Variants in IPO4 observed in about 807,000 individuals in gnomAD.
IPO4 encodes the protein importin-4.
IPO4 carries 91 observed loss-of-function variants against 133.5 expected under a neutral mutation model. The ratio of observed to expected loss-of-function variants is 0.68; its 90% CI spans 0.58 to 0.81. IPO4 has a LOEUF of 0.81. Ranked by LOEUF, IPO4 falls within the 30% of genes least tolerant of loss-of-function variation. IPO4 has a pLI of 0.00. For synonymous variants in IPO4, 607 were observed against 581.6 expected (o/e 1.04, Z -0.63); for missense variants, 1,279 against 1,386.2 (o/e 0.92, Z 1.23).
chr14:24,188,486 G>A, intron 2 of IPO4, 63 bp from the exon 3 acceptor site: 1 of 1,606,448 alleles, frequency 6.2e-7, no homozygotes, highest in Non-Finnish European at 8.5e-7. Flanking sequence ...ACCGCAGTGG[G>A]CGAATACTGG....
chr14:24,188,136 G>T, intron 4 of IPO4, 80 bp downstream of exon 4: 1 of 1,444,688 alleles, frequency 6.9e-7, no homozygotes, highest in Non-Finnish European at 9.6e-7. Flanking sequence ...TGCCCCACAA[G>T]TCCCAGCCTG....
rs780965064 is a variant in IPO4 at position 24,185,990 on chromosome 14, G to A, written c.1060-20C>T. 10 of 1,609,172 alleles carry A rather than the reference G, an allele frequency of 6.2e-6. No individual in the cohort carries two copies. Among genetic ancestry groups the A allele is most frequent in the South Asian group, 2.2e-5 (2 of 90,994 alleles). On this transcript the variant is annotated intron_variant, in intron 11 of 29. Transcript: ENST00000354464. ...GGGCATCTAGGGAAGCATGTGGCAC[G>A]CTTCTGAAACCCCAGCAAGAGCCTG...
chr14:24,187,903 C>T, intron 4 of IPO4, 107 bp from the exon 5 acceptor site: 2 of 1,427,164 alleles, frequency 1.4e-6, no homozygotes, highest in Non-Finnish European at 9.6e-7. Context: ...GAGGTGTGGG[C>T]ACAGGGTCTT....
At position 24,182,797 on chromosome 14, in the gene IPO4, C is replaced by T; in HGVS notation, c.2467G>A (p.Asp823Asn). Residue 823 changes from aspartate to asparagine, a missense_variant, in exon 24 of 30, where the codon GAT becomes AAT. Coordinates refer to ENST00000354464, the MANE Select transcript of IPO4 (RefSeq NM_024658.4). ...TTTTTATCCCTGGCTCTCACCTGAT[C>T]ATCATCTTCCTCTTCCTCCTCCTCG... ...TDEEEEEEDD[D>N]QAEYDAMLLE... is the part of the protein sequence containing the mutation. 6.2e-7 allele frequency: 1 copy of T among 1,614,186 alleles called. No individual in the cohort carries two copies. Among genetic ancestry groups the T allele is most frequent in the Non-Finnish European group, 8.5e-7 (1 of 1,180,002 alleles).
At position 24,185,557 on chromosome 14, in the gene IPO4, G is replaced by A; in HGVS notation, c.1180C>T (p.Pro394Ser). ...GDHIRQRLLPPLLQIVCKGLE... is the reference protein window; with the variant it reads ...GDHIRQRLLPSLLQIVCKGLE... ...CCCTTGCACACAATCTGCAGCAGTG[G>A]GGGCAGCAGTCTGGATGGGGCAAAC... Residue 394 changes from proline (P) to serine (S), a missense_variant, in exon 13 of 30, where the codon CCA becomes TCA. Pro to Ser is a moderately conservative substitution (Grantham distance 74). Transcript: ENST00000354464. 6.2e-7 allele frequency: 1 copy of A among 1,613,982 alleles called. No homozygotes were observed. The highest frequency in any genetic ancestry group is 8.5e-7 in the Non-Finnish European group (1 of 1,179,880).
At position 24,183,341 on chromosome 14, in the gene IPO4, A is replaced by G. The variant is rs565029931; in HGVS notation, c.2136T>C (p.Asn712=). The change falls in exon 22 of 30, where the codon AAT becomes AAC. Residue 712 remains asparagine, a synonymous_variant. Coordinates refer to ENST00000354464, the MANE Select transcript of IPO4 (RefSeq NM_024658.4). ...VFKLLECPHL[N]VRKAAHEALG... is the part of the protein sequence containing the mutation. Reference sequence around the variant, plus strand: ...GAGCCTCATGGGCTGCCTTCCGCACATTCAGGTGAGGGCACTGCAGGATGA... The same window carrying G: ...GAGCCTCATGGGCTGCCTTCCGCACGTTCAGGTGAGGGCACTGCAGGATGA... The G allele has an allele frequency of 1.6e-5, 26 of 1,610,898 alleles. No individual in the cohort carries two copies. The highest frequency in any genetic ancestry group is 1.5e-4 in the Admixed American group (9 of 59,528).
At position 24,187,488 on chromosome 14, in the gene IPO4, GTC is replaced by G. The variant is rs770286929; in HGVS notation, c.498_499del (p.Glu166AspfsTer4). On this transcript the variant is annotated frameshift_variant, in exon 6 of 30. Transcript: ENST00000354464. LOFTEE classifies it high-confidence loss of function. The stretch of plus-strand genomic sequence containing the variant: ...CCCAGGAGAGCCCACCTCACCAAGA[GTC>G]TCATTCAGAAGCCGAAGAAGCTCCC... 38 of 1,614,066 alleles carry G rather than the reference GTC, an allele frequency of 2.4e-5. No individual in the cohort carries two copies. Among genetic ancestry groups the G allele is most frequent in the Non-Finnish European group, 3.1e-5 (37 of 1,180,024 alleles).
chr14:24,185,275 A>T lies in IPO4; in HGVS notation c.1316T>A (p.Leu439Gln). The T allele has an allele frequency of 6.2e-7, 1 of 1,614,178 alleles. No homozygotes were observed. The highest frequency in any genetic ancestry group is 8.5e-7 in the Non-Finnish European group (1 of 1,180,024). ...ISSYSREVMP[L>Q]LLAYLKSVPL... ...CACCGACTTCAAGTAGGCGAGGAGC[A>T]GTGGCATTACCTCCCTTGAATAGCT... Residue 439 changes from leucine to glutamine, a missense_variant, in exon 14 of 30, where the codon CTG (leucine) becomes CAG (glutamine). Physicochemically the swap from Leu to Gln is moderately radical, Grantham distance 113. Around this residue, in one of 3 missense-constraint regions of IPO4, gnomAD observed 695 missense variants for 704.1 expected, o/e 0.99. Coordinates refer to ENST00000354464, the MANE Select transcript of IPO4 (RefSeq NM_024658.4).
rs775490016 is a variant in IPO4 at position 24,186,662 on chromosome 14, G to A, written c.840+46C>T. ...GAAAGCCCCAGGAGTGAGACTAAGG[G>A]TGGAGATGGGGGTGGGGTGATGTGT... is the stretch of plus-strand genomic sequence containing the variant. On this transcript the variant is annotated intron_variant, in intron 9 of 29. Coordinates refer to ENST00000354464, the MANE Select transcript of IPO4 (RefSeq NM_024658.4). 11 of 1,536,004 alleles carry A rather than the reference G, an allele frequency of 7.2e-6. No individual in the cohort carries two copies. In the East Asian group the frequency reaches 2.2e-4, roughly 31 times the overall value.
At position 24,187,235 on chromosome 14, in the gene IPO4, G is replaced by A. The variant is rs1306501782; in HGVS notation, c.589-85C>T. On this transcript the variant is annotated intron_variant, in intron 6 of 29. Transcript: ENST00000354464. ...GCTTCCTCACAGCCTGAATTGCGAG[G>A]AGGAGCCCAGGCATAACAGCCAGGC... The A allele has an allele frequency of 1.3e-5, 20 of 1,527,040 alleles. No homozygotes were observed. The African/African-American group carries it at 2.0e-4, about 16-fold the overall frequency. 94.6% of individuals were successfully genotyped at this position (1,527,040 alleles called of 1,614,324 possible). A position where few individuals can be genotyped will look rare whatever the true frequency, so the allele number is the denominator to read the frequency against.
chr14:24,184,263 G>T, intron 17 of IPO4, 35 bp downstream of exon 17: 1 of 1,574,208 alleles, frequency 6.4e-7, no homozygotes, highest in East Asian at 2.3e-5. Context: ...GGAGGGGAGG[G>T]GACAAGGGCA....
At chr14:24,184,507 C>A (rs2039189449) in intron 16 of IPO4, 89 bp from the exon 17 acceptor site, 1 of 1,501,846 alleles carries the variant, frequency 6.7e-7, no homozygotes, top group Non-Finnish European at 9.0e-7. Flanking sequence ...AGAAATCCCG[C>A]CCCACCCCTT....
intron 7 of IPO4, 35 bp from the exon 8 acceptor site, chr14:24,187,014 C>T (rs767694315): frequency 6.2e-7 from 1 of 1,612,582 alleles, no homozygotes; most frequent in African/African-American, 1.3e-5. Context: ...TTACCATGCT[C>T]TTCTTCAGTG....
chr14:24,185,965 G>A lies in IPO4; in HGVS notation c.1065C>T (p.Pro355=). 1 of 1,613,728 alleles carries A rather than the reference G, an allele frequency of 6.2e-7. No individual in the cohort carries two copies. The highest frequency in any genetic ancestry group is 8.5e-7 in the Non-Finnish European group (1 of 1,179,694). Reference sequence around the variant, plus strand: ...CGCTCCGCAAAGCCTCTTCCAACATGGGCATCTAGGGAAGCATGTGGCACG... The same window carrying A: ...CGCTCCGCAAAGCCTCTTCCAACATAGGCATCTAGGGAAGCATGTGGCACG... ...PPEKLCPQLM[P]MLEEALRSES... Residue 355 remains proline (P), a synonymous_variant, in exon 12 of 30, where the codon CCC becomes CCT. Transcript: ENST00000354464.
intron 16 of IPO4, 96 bp from the exon 17 acceptor site, chr14:24,184,514 C>A: frequency 6.7e-7 from 1 of 1,489,064 alleles, no homozygotes; most frequent in Non-Finnish European, 9.0e-7. Flanking sequence ...CCGCCCCACC[C>A]CTTGGTACAG....
chr14:24,184,965 G>A lies in IPO4; in HGVS notation c.1424C>T (p.Pro475Leu). Reference protein sequence around the residue: ...FVENLGPKVQPYLPELMECML... With the variant: ...FVENLGPKVQLYLPELMECML... ...GCATTCCATAAGCTCCGGAAGGTAG[G>A]GCTGCACCTTGGGCCCTGTGGGAAA... is the stretch of plus-strand genomic sequence containing the variant. The change falls in exon 15 of 30, where the codon CCC (proline) becomes CTC (leucine). Residue 475 changes from proline (P) to leucine (L), a missense_variant. Physicochemically the swap from Pro to Leu is moderately conservative, Grantham distance 98. Coordinates refer to ENST00000354464, the MANE Select transcript of IPO4 (RefSeq NM_024658.4). 6.2e-7 allele frequency: 1 copy of A among 1,613,820 alleles called. No individual in the cohort carries two copies. Among genetic ancestry groups the A allele is most frequent in the Non-Finnish European group, 8.5e-7 (1 of 1,179,920 alleles).
chr14:24,185,021 G>T (rs1185992810), intron 14 of IPO4, 41 bp from the exon 15 acceptor site: 6 of 1,598,104 alleles, frequency 3.8e-6, no homozygotes, highest in Non-Finnish European at 5.1e-6. Context: ...ACCCAGGTCT[G>T]CTACCTGCAC....
chr14:24,184,628 C>T, intron 16 of IPO4, 22 bp downstream of exon 16: 1 of 1,544,946 alleles, frequency 6.5e-7, no homozygotes, highest in Non-Finnish European at 8.8e-7. Context: ...CTGGGAGCCC[C>T]ACCTGGGAAC....
At chr14:24,185,396 A>C in intron 13 of IPO4, 63 bp downstream of exon 13, 1 of 1,611,002 alleles carries the variant, frequency 6.2e-7, no homozygotes, top group Non-Finnish European at 8.5e-7. Context: ...GGATGCTTGA[A>C]GAGATGAAAG....
Sources: gnomAD v4.1 joint callset for allele counts on GRCh38, gnomAD v4.1.1 for gene constraint, gnomAD v4.1.1 regional missense constraint, MANE v1.5 for transcripts, NCBI Gene and HGNC (gene_info 2026-07-23, HGNC 2026-07-21) for gene names.